NFIB: variants seen among roughly 807,000 people sequenced by gnomAD.
The protein encoded by NFIB is nuclear factor 1 B-type.
In NFIB, 11 loss-of-function variants were observed where a neutral mutation model predicts 61.5. The observed-to-expected ratio is 0.18, with a 90% CI of 0.11 to 0.30. The LOEUF (loss-of-function observed/expected upper bound fraction) is 0.30, where lower values mean the gene tolerates loss of function less well. Ranked by LOEUF, NFIB falls within the 10% of genes least tolerant of loss-of-function variation. The probability of loss-of-function intolerance (pLI) is 1.00; values close to 1 mark genes in which losing one functional copy is unlikely to be tolerated. For missense variants in NFIB, 471 were observed against 608.9 expected, an observed-to-expected ratio of 0.77 and a Z score of 2.38; for synonymous variants, 260 against 216.5, an observed-to-expected ratio of 1.20 and a Z score of -1.76.
the NFIB span, among the ~76,000 whole-genome samples, chr9:14,467,048 G>A: frequency 6.6e-6 from 1 of 152,196 alleles, no homozygotes; most frequent in Non-Finnish European, 1.5e-5. Flanking sequence ...CAAGAGGGCA[G>A]GAGAACCAGC....
At chr9:14,463,464 GA>G in the NFIB span, among the ~76,000 whole-genome samples, 1 of 151,354 alleles carries the variant, frequency 6.6e-6, no homozygotes. Flanking sequence ...AATATCCTAG[GA>G]AAAAAAAGCC....
At chr9:14,240,330 C>G (rs993275263) in intron 2 of NFIB, among the ~76,000 whole-genome samples, 1 of 152,066 alleles carries the variant, frequency 6.6e-6, no homozygotes, top group Non-Finnish European at 1.5e-5. Flanking sequence ...TATCTTTATA[C>G]TCCAATTTCC....
In NFIB at chr9:14,268,816, C is replaced by T. The variant is rs537689860; in HGVS notation, c.562+38173G>A. On this transcript the variant is annotated intron_variant, in intron 2 of 10. Coordinates refer to ENST00000380953, the MANE Select transcript of NFIB (RefSeq NM_001190737.2). ...CTCTAACCTTTAGCATGCTCCTAGACATGTAGTAAGCACAAAACAAATGTT... is the reference window on the plus strand; with the variant it reads ...CTCTAACCTTTAGCATGCTCCTAGATATGTAGTAAGCACAAAACAAATGTT... Among the ~76,000 whole-genome samples the T allele has an allele frequency of 2.6e-5, 4 of 152,308 alleles. No individual in the cohort carries two copies. The South Asian group carries it at 8.3e-4, about 32-fold the overall frequency.
At chr9:14,203,534 G>A (rs1185070178) in intron 2 of NFIB, among the ~76,000 whole-genome samples, 1 of 152,176 alleles carries the variant, frequency 6.6e-6, no homozygotes, top group Non-Finnish European at 1.5e-5. Context: ...TGCCAAGAGT[G>A]TCTTGGCACG....
chr9:14,452,498 A>AAAGGAAAGGG, the NFIB span, among the ~76,000 whole-genome samples: 2 of 119,358 alleles, frequency 1.7e-5, no homozygotes, highest in African/African-American at 7.2e-5. Context: ...AAAGGAAAGG[A>AAAGGAAAGGG]AAGGAAAGGA....
At chr9:14,455,155 T>G in the NFIB span, among the ~76,000 whole-genome samples, 1 of 152,168 alleles carries the variant, frequency 6.6e-6, no homozygotes, top group Non-Finnish European at 1.5e-5. Context: ...CTGAATGAAT[T>G]AATAGAGATA....
At chr9:14,385,687 A>C (rs938831792) in intron 1 of NFIB, among the ~76,000 whole-genome samples, 3 of 151,728 alleles carry the variant, frequency 2.0e-5, no homozygotes, top group South Asian at 2.1e-4. Flanking sequence ...AGCACAATTT[A>C]TATATTTGTA....
chr9:14,096,834 A>T (rs933829060), intron 10 of NFIB, among the ~76,000 whole-genome samples: 4 of 152,172 alleles, frequency 2.6e-5, no homozygotes, highest in African/African-American at 9.7e-5. Flanking sequence ...TCCAAATTAG[A>T]TTATCTAATG....
rs1469012206 is a variant in NFIB at position 14,087,004 on chromosome 9, CCT to C, written c.*1303_*1304del. 4.9e-6 allele frequency: 1 copy of C among 204,600 alleles called. No individual in the cohort carries two copies. Among genetic ancestry groups the C allele is most frequent in the Non-Finnish European group, 1.0e-5 (1 of 99,592 alleles). The allele number at this position is 204,600 out of a possible 1,614,324, so 12.7% of individuals were successfully genotyped here. The stretch of plus-strand genomic sequence containing the variant: ...AAAGCACCATGCAAGTTTTCAGCAC[CCT>C]GATTACATTTGTTTTCTCAAGAGTG... On this transcript the variant is annotated 3_prime_UTR_variant, in exon 11 of 11. Coordinates refer to ENST00000380953, the MANE Select transcript of NFIB (RefSeq NM_001190737.2).
intron 2 of NFIB, among the ~76,000 whole-genome samples, chr9:14,196,450 C>A (rs191492789): frequency 3.9e-5 from 6 of 152,152 alleles, no homozygotes; most frequent in Non-Finnish European, 8.8e-5. Context: ...GAAGGGGGTT[C>A]CTGTTTAAGG....
chr9:14,449,566 G>A, the NFIB span, among the ~76,000 whole-genome samples: 1 of 152,136 alleles, frequency 6.6e-6, no homozygotes, highest in African/African-American at 2.4e-5. Flanking sequence ...TAAATTTGTT[G>A]AAATGCATCA....
the NFIB span, among the ~76,000 whole-genome samples, chr9:14,527,647 A>G: frequency 6.6e-6 from 1 of 152,182 alleles, no homozygotes; most frequent in African/African-American, 2.4e-5. Flanking sequence ...AGCCTGGCAT[A>G]TAGTATGTTC....
rs540737556 is a variant in NFIB, at chr9:14,204,634, A to C, written c.563-24854T>G. 92 of 682,528 alleles carry C rather than the reference A, an allele frequency of 1.3e-4. 2 individuals are homozygous for C. The South Asian group carries it at 1.5e-3, about 11-fold the overall frequency. The allele number at this position is 682,528 out of a possible 1,614,324, so 42.3% of individuals were successfully genotyped here. ...AAGCGCCGGCAAAGGGGACCTCCCC[A>C]CTAAGAACACCTGTCCTTCAAGCAG... On this transcript the variant is annotated intron_variant, in intron 2 of 10. Coordinates refer to ENST00000380953, the MANE Select transcript of NFIB (RefSeq NM_001190737.2).
intron 3 of NFIB, among the ~76,000 whole-genome samples, chr9:14,169,933 G>C (rs1048086657): frequency 6.6e-6 from 1 of 152,214 alleles, no homozygotes; most frequent in Non-Finnish European, 1.5e-5. Flanking sequence ...TTTAGTAGGA[G>C]ATTTGTCCAA....
intron 9 of NFIB, 72 bp downstream of exon 9, chr9:14,116,136 T>C: frequency 7.2e-7 from 1 of 1,384,394 alleles, no homozygotes; most frequent in Non-Finnish European, 9.5e-7. Context: ...AGATATCCAA[T>C]GGTGCCTCTG....
chr9:14,461,113 G>A, the NFIB span, among the ~76,000 whole-genome samples: 6 of 152,006 alleles, frequency 3.9e-5, no homozygotes, highest in Admixed American at 3.9e-4. Context: ...CAGTCCCATA[G>A]CATCCCACAC....
intron 2 of NFIB, among the ~76,000 whole-genome samples, chr9:14,240,068 T>C (rs148010159): frequency 2.0e-5 from 3 of 152,308 alleles, no homozygotes; most frequent in East Asian, 1.9e-4. Flanking sequence ...CTCTTGACTA[T>C]ATTGCCAATT....
chr9:14,097,255 C>T (rs573615635), intron 10 of NFIB, among the ~76,000 whole-genome samples: 47 of 152,248 alleles, frequency 3.1e-4, no homozygotes, highest in Middle Eastern at 3.4e-3. Context: ...CAATTCTCCA[C>T]CTTGAACCAA....
chr9:14,172,792 C>T (rs560249103), intron 3 of NFIB, among the ~76,000 whole-genome samples: 17 of 150,578 alleles, frequency 1.1e-4, no homozygotes, highest in Admixed American at 3.3e-4. Flanking sequence ...TTTTTTGAGA[C>T]GGAGTCTCAC....
Sources: gnomAD v4.1 joint callset for allele counts (sites outside exome capture counted in the v4.1 genomes callset) on GRCh38, gnomAD v4.1.1 for gene constraint, MANE v1.5 for transcripts, NCBI Gene and HGNC (gene_info 2026-07-23, HGNC 2026-07-21) for gene names.